Variants in SMYD3 observed in about 807,000 individuals in gnomAD.
SMYD3 encodes SET and MYND domain containing 3.
In SMYD3, 36 loss-of-function variants were observed where a neutral mutation model predicts 57.7. The ratio of observed to expected loss-of-function variants is 0.62; its 90% confidence interval spans 0.48 to 0.82. The LOEUF (loss-of-function observed/expected upper bound fraction) is 0.82, where lower values mean the gene tolerates loss of function less well. Ranked by LOEUF, SMYD3 falls within the 40% of genes least tolerant of loss-of-function variation. The pLI is 0.00. For synonymous variants in SMYD3, 211 were observed against 195.0 expected, an observed-to-expected ratio of 1.08 and a Z score of -0.68; for missense variants, 515 against 538.8, an observed-to-expected ratio of 0.96 and a Z score of 0.44.
At chr1:246,414,052 G>T (rs1203744843) in intron 1 of SMYD3, among the ~76,000 whole-genome samples, 1 of 152,218 alleles carries the variant, frequency 6.6e-6, no homozygotes, top group Non-Finnish European at 1.5e-5. Flanking sequence ...GGTGGAAAGA[G>T]GGGTGGTATA....
At chr1:246,477,105 T>G (rs1476970091) in intron 1 of SMYD3, among the ~76,000 whole-genome samples, 3 of 152,194 alleles carry the variant, frequency 2.0e-5, no homozygotes, top group African/African-American at 7.2e-5. Flanking sequence ...AGACCAAAAT[T>G]AAAATGTTTA....
chr1:245,893,956 GCCTCATCTGTAAAACGGCAGTAAGAGTAA>G (rs1372000750), intron 8 of SMYD3, among the ~76,000 whole-genome samples: 1 of 152,206 alleles, frequency 6.6e-6, no homozygotes, highest in African/African-American at 2.4e-5. Context: ...AGCTCCCGTT[GCCTCATCTGTAAAACGGCAGTAAGAGTAA>G]CCCTAACTTT....
chr1:246,201,838 C>A (rs1045221830), intron 5 of SMYD3, among the ~76,000 whole-genome samples: 1 of 152,098 alleles, frequency 6.6e-6, no homozygotes, highest in Admixed American at 6.5e-5. Flanking sequence ...CTTGGAGAAA[C>A]CCTGTCTCTA....
At chr1:246,444,048 T>C (rs954400713) in intron 1 of SMYD3, among the ~76,000 whole-genome samples, 2 of 152,146 alleles carry the variant, frequency 1.3e-5, no homozygotes, top group African/African-American at 2.4e-5. Flanking sequence ...ATGGGTTTGT[T>C]ACCTGGAGGA....
chr1:245,868,630 C>A (rs188620740), intron 8 of SMYD3, among the ~76,000 whole-genome samples: 6 of 152,320 alleles, frequency 3.9e-5, no homozygotes, highest in Admixed American at 2.6e-4. Context: ...AACAGAAGAG[C>A]AAGCAAGCTT....
At chr1:246,053,318 G>A (rs2060092766) in intron 5 of SMYD3, among the ~76,000 whole-genome samples, 1 of 151,714 alleles carries the variant, frequency 6.6e-6, no homozygotes. Context: ...TTTTTAAAAA[G>A]CTAACAAGCT....
intron 1 of SMYD3, among the ~76,000 whole-genome samples, chr1:246,407,439 G>A (rs1385527766): frequency 1.3e-5 from 2 of 152,214 alleles, no homozygotes; most frequent in East Asian, 3.9e-4. Context: ...CAGTAAGGCT[G>A]CGCCATGACC....
chr1:246,174,627 A>G (rs2062403077), intron 5 of SMYD3, among the ~76,000 whole-genome samples: 1 of 152,076 alleles, frequency 6.6e-6, no homozygotes, highest in Non-Finnish European at 1.5e-5. Context: ...TTGTATTTTT[A>G]GTAGAGATGG....
At chr1:246,473,645 T>TG (rs2067989710) in intron 1 of SMYD3, among the ~76,000 whole-genome samples, 1 of 152,200 alleles carries the variant, frequency 6.6e-6, no homozygotes, top group Non-Finnish European at 1.5e-5. Flanking sequence ...TATGCACTGG[T>TG]GATCTAAAAG....
intron 1 of SMYD3, among the ~76,000 whole-genome samples, chr1:246,438,787 G>A (rs551560951): frequency 2.6e-5 from 4 of 151,482 alleles, no homozygotes; most frequent in South Asian, 2.1e-4. Context: ...CCAATCATCC[G>A]ATCATCAGGC....
chr1:246,150,760 A>G lies in SMYD3; in HGVS notation c.531+176441T>C, dbSNP rs112654435. Among the ~76,000 whole-genome samples, 240 of 152,266 alleles carry G rather than the reference A, an allele frequency of 1.6e-3. 1 individual carries two copies. The highest frequency in any genetic ancestry group is 5.3e-3 in the African/African-American group (222 of 41,558). On this transcript the variant is annotated intron_variant, in intron 5 of 11. Coordinates refer to ENST00000490107, the MANE Select transcript of SMYD3 (RefSeq NM_001167740.2). ...GAAAAAGGCCACAGGGAAGGAGACA[A>G]AACCAGAAAACCCTGTCCACATTAC...
intron 5 of SMYD3, among the ~76,000 whole-genome samples, chr1:245,969,444 G>A (rs1213389844): frequency 6.6e-6 from 1 of 152,238 alleles, no homozygotes; most frequent in African/African-American, 2.4e-5. Context: ...TCGCTTGTCT[G>A]AGTCAGCTGA....
At chr1:246,125,947 A>G (rs1056482154) in intron 5 of SMYD3, among the ~76,000 whole-genome samples, 2 of 152,176 alleles carry the variant, frequency 1.3e-5, no homozygotes, top group Non-Finnish European at 2.9e-5. Context: ...ATACACAACA[A>G]ACTTTGAGGA....
chr1:246,291,948 C>G (rs1222314097), intron 5 of SMYD3, among the ~76,000 whole-genome samples: 2 of 152,118 alleles, frequency 1.3e-5, no homozygotes, highest in Non-Finnish European at 2.9e-5. Flanking sequence ...CTTAGACTTA[C>G]TATCCAACAC....
In SMYD3 at chr1:246,111,845, C is replaced by G. The variant is rs146100941; in HGVS notation, c.532-181908G>C. On this transcript the variant is annotated intron_variant, in intron 5 of 11. Coordinates refer to ENST00000490107, the MANE Select transcript of SMYD3 (RefSeq NM_001167740.2). ...AGGTCTGCTCAGTCTATGGCTAATACAAGACCTTGCTTATGATAGACTTCA... is the reference window on the plus strand; with the variant it reads ...AGGTCTGCTCAGTCTATGGCTAATAGAAGACCTTGCTTATGATAGACTTCA... 7.3e-3 allele frequency among the ~76,000 whole-genome samples: 1,119 copies of G among 152,340 alleles called. 11 individuals carry two copies. Among genetic ancestry groups the G allele is most frequent in the South Asian group, 0.037 (178 of 4,830 alleles).
chr1:245,981,631 G>C (rs2058598876), intron 5 of SMYD3, among the ~76,000 whole-genome samples: 1 of 152,060 alleles, frequency 6.6e-6, no homozygotes, highest in South Asian at 2.1e-4. Flanking sequence ...AAGATTTTTA[G>C]ATCTAAAAGA....
Position 245,983,801 on chromosome 1 carries a change from C to T in SMYD3, c.532-53864G>A, listed in dbSNP as rs1015977839. Among the ~76,000 whole-genome samples, 13 of 152,208 alleles carry T rather than the reference C, an allele frequency of 8.5e-5. No homozygotes were observed. The East Asian group carries it at 2.1e-3, about 25-fold the overall frequency. On this transcript the variant is annotated intron_variant, in intron 5 of 11. Transcript: ENST00000490107. ...CTCCCAACACAGGCTATGATGGAATCGTTTCGGTTTCAAGGAATCAGTAGC... is the reference window on the plus strand; with the variant it reads ...CTCCCAACACAGGCTATGATGGAATTGTTTCGGTTTCAAGGAATCAGTAGC...
At chr1:246,070,113 G>C (rs950842187) in intron 5 of SMYD3, among the ~76,000 whole-genome samples, 1 of 152,142 alleles carries the variant, frequency 6.6e-6, no homozygotes, top group Non-Finnish European at 1.5e-5. Context: ...GGAACTTAGA[G>C]AGTCAAAGAC....
At chr1:246,114,753 C>T (rs1286894336) in intron 5 of SMYD3, among the ~76,000 whole-genome samples, 1 of 152,196 alleles carries the variant, frequency 6.6e-6, no homozygotes. Context: ...GCCTCCGTTT[C>T]CCGAGGAGCT....
Sources: gnomAD v4.1 joint callset for allele counts (sites outside exome capture counted in the v4.1 genomes callset) on GRCh38, gnomAD v4.1.1 for gene constraint, MANE v1.5 for transcripts, NCBI Gene and HGNC (gene_info 2026-07-23, HGNC 2026-07-21) for gene names.